The following TRAPPC12 variants were observed in gnomAD, a reference collection of about 807,000 sequenced individuals.
TRAPPC12 encodes trafficking protein particle complex subunit 12.
Under a neutral mutation model 69.2 loss-of-function variants are expected in TRAPPC12, and 61 were observed. The observed-to-expected ratio is 0.88, with a 90% CI of 0.72 to 1.09. TRAPPC12 has a LOEUF of 1.09. Among genes scored for constraint, TRAPPC12 ranks in the 50% least tolerant of loss-of-function variants. TRAPPC12 has a pLI of 0.00. For missense variants in TRAPPC12, 1,101 were observed against 1,016.4 expected, an observed-to-expected ratio of 1.08 and a Z score of -1.13; for synonymous variants, 469 against 438.9, an observed-to-expected ratio of 1.07 and a Z score of -0.86.
intron 5 of TRAPPC12, among the ~76,000 whole-genome samples, chr2:3,441,162 C>T (rs1354974671): frequency 9.9e-5 from 15 of 151,732 alleles, no homozygotes; most frequent in East Asian, 3.9e-4. Context: ...TTTCTTGTAA[C>T]GTCTTTGTCT....
At chr2:3,423,592 C>T (rs749592722) in intron 4 of TRAPPC12, among the ~76,000 whole-genome samples, 6 of 150,462 alleles carry the variant, frequency 4.0e-5, no homozygotes, top group Non-Finnish European at 5.9e-5. Context: ...TGAGGTCACA[C>T]GGTGTTTGTC....
At chr2:3,443,674 C>T in intron 5 of TRAPPC12, 105 bp from the exon 6 acceptor site, 3 of 805,160 alleles carry the variant, frequency 3.7e-6, no homozygotes, top group Non-Finnish European at 6.5e-6. Flanking sequence ...AGGGATCTGT[C>T]ATCACTTCTG....
At chr2:3,390,866 C>A (rs192146558) in intron 2 of TRAPPC12, among the ~76,000 whole-genome samples, 1 of 152,012 alleles carries the variant, frequency 6.6e-6, no homozygotes, top group Non-Finnish European at 1.5e-5. Context: ...TCTCTATACC[C>A]GCTTAATTTC....
rs1325423911 is a variant in TRAPPC12 at position 3,388,391 on chromosome 2, C to A, written c.768C>A (p.Thr256=). 1 of 1,603,230 alleles carries A rather than the reference C, an allele frequency of 6.2e-7. No homozygotes were observed. The highest frequency in any genetic ancestry group is 2.2e-5 in the East Asian group (1 of 44,472). The change falls in exon 2 of 12, where the codon ACC becomes ACA. Residue 256 remains threonine, a synonymous_variant. Transcript: ENST00000324266. Reference sequence around the variant, plus strand: ...CGCCTCCCCTCGCTGTGCCCGGGACCGAGGGGCGCCCCGAACCCGTGGCCA... The same window carrying A: ...CGCCTCCCCTCGCTGTGCCCGGGACAGAGGGGCGCCCCGAACCCGTGGCCA... The part of the protein sequence containing the change: ...ASPPPLAVPG[T]EGRPEPVAMR...
At chr2:3,399,161 G>C (rs576023061) in intron 2 of TRAPPC12, among the ~76,000 whole-genome samples, 1 of 152,352 alleles carries the variant, frequency 6.6e-6, no homozygotes, top group Admixed American at 6.5e-5. Context: ...GGAACTTGCT[G>C]TGGTAGCTAA....
In TRAPPC12 at chr2:3,479,373, G is replaced by A. The variant is rs138265331; in HGVS notation, c.2120G>A (p.Arg707Gln). The A allele has an allele frequency of 1.2e-5, 20 of 1,614,032 alleles. No individual in the cohort carries two copies. The highest frequency in any genetic ancestry group is 2.2e-5 in the South Asian group (2 of 91,082). ...ACCATGTACGAGCTGGAGTCCTCAC[G>A]GAGCATGCAGAAGAAACAGGCCCTG... ...LTTMYELESS[R>Q]SMQKKQALLE... Residue 707 changes from arginine to glutamine, a missense_variant, in exon 12 of 12, where the codon CGG becomes CAG. Physicochemically the swap from Arg to Gln is conservative, Grantham distance 43. Coordinates refer to ENST00000324266, the MANE Select transcript of TRAPPC12 (RefSeq NM_016030.6).
chr2:3,400,164 G>A (rs568620699), intron 2 of TRAPPC12, among the ~76,000 whole-genome samples: 21 of 152,296 alleles, frequency 1.4e-4, no homozygotes, highest in Non-Finnish European at 2.9e-4. Flanking sequence ...AGCCAGCTCC[G>A]GCTGCTTGCT....
At position 3,399,167 on chromosome 2, in the gene TRAPPC12, G is replaced by A. The variant is rs536640589; in HGVS notation, c.1048-2610G>A. ...AGTATCTCAGGAACTTGCTGTGGTA[G>A]CTAAAATATTAACTAACAGAGAATT... On this transcript the variant is annotated intron_variant, in intron 2 of 11. Transcript: ENST00000324266. Among the ~76,000 whole-genome samples the A allele has an allele frequency of 8.6e-4, 131 of 152,354 alleles. 1 individual carries two copies. Among genetic ancestry groups the A allele is most frequent in the African/African-American group, 3.1e-3 (130 of 41,588 alleles).
chr2:3,434,033 CAG>C (rs765756922), intron 5 of TRAPPC12, among the ~76,000 whole-genome samples: 18 of 152,304 alleles, frequency 1.2e-4, no homozygotes, highest in African/African-American at 3.4e-4. Context: ...TCTTCAGAGA[CAG>C]GGGCTAGGTT....
At chr2:3,478,763 G>A (rs1469884761) in intron 10 of TRAPPC12, 83 bp from the exon 11 acceptor site, 2 of 1,232,518 alleles carry the variant, frequency 1.6e-6, no homozygotes, top group Non-Finnish European at 1.2e-6. Context: ...GTCTCTGTGG[G>A]ATCCAAAGCC....
At chr2:3,456,173 T>C (rs1446060561) in intron 6 of TRAPPC12, 1 of 152,236 alleles carries the variant, frequency 6.6e-6, no homozygotes, top group Non-Finnish European at 1.5e-5. Context: ...TAGCCCAAGA[T>C]AACGGTTAAG....
intron 2 of TRAPPC12, among the ~76,000 whole-genome samples, chr2:3,398,651 A>G (rs1049591361): frequency 2.6e-5 from 4 of 152,182 alleles, no homozygotes. Flanking sequence ...TTCACCATCA[A>G]AATCAAGAAG....
At chr2:3,406,948 C>T (rs1661766078) in intron 3 of TRAPPC12, among the ~76,000 whole-genome samples, 1 of 152,144 alleles carries the variant, frequency 6.6e-6, no homozygotes, top group Admixed American at 6.6e-5. Context: ...TATTAACAGG[C>T]CTAACAAGGG....
chr2:3,476,190 C>A (rs181311519), intron 9 of TRAPPC12, among the ~76,000 whole-genome samples: 1 of 152,266 alleles, frequency 6.6e-6, no homozygotes, highest in East Asian at 1.9e-4. Context: ...TTTCTTCCTC[C>A]TCGTATGGTA....
chr2:3,430,464 G>A (rs1187759250), intron 5 of TRAPPC12, among the ~76,000 whole-genome samples: 3 of 152,222 alleles, frequency 2.0e-5, no homozygotes, highest in African/African-American at 2.4e-5. Flanking sequence ...TTTGTCTGTC[G>A]GAGTCTCCTC....
chr2:3,457,589 G>T, intron 6 of TRAPPC12, 32 bp from the exon 7 acceptor site: 1 of 1,602,402 alleles, frequency 6.2e-7, no homozygotes, highest in Non-Finnish European at 8.5e-7. Flanking sequence ...TGGTTCCCAT[G>T]ATTTTGTCCT....
In TRAPPC12 at chr2:3,466,037, C is replaced by T. The variant is rs536237253; in HGVS notation, c.1776+342C>T. The stretch of plus-strand genomic sequence containing the variant: ...TTCAGCTTATCCCGTAATAGTCACT[C>T]GCTGATATTTTGCCTGAAATAACCC... On this transcript the variant is annotated intron_variant, in intron 9 of 11. Transcript: ENST00000324266. Among the ~76,000 whole-genome samples, 8 of 152,332 alleles carry T rather than the reference C, an allele frequency of 5.3e-5. No individual in the cohort carries two copies. The South Asian group carries it at 8.3e-4, about 16-fold the overall frequency.
intron 8 of TRAPPC12, among the ~76,000 whole-genome samples, chr2:3,461,529 A>T (rs977403768): frequency 6.6e-6 from 1 of 152,242 alleles, no homozygotes; most frequent in Non-Finnish European, 1.5e-5. Context: ...CATAGATCTG[A>T]GATCTCTGAA....
At chr2:3,460,063 C>T (rs1665401645) in intron 7 of TRAPPC12, 200 bp from the exon 8 acceptor site, 1 of 644,304 alleles carries the variant, frequency 1.6e-6, no homozygotes, top group Non-Finnish European at 2.8e-6. Context: ...CTTCCCAAAG[C>T]CACCTCTGGT....
Sources: allele counts gnomAD v4.1 joint callset (sites outside exome capture counted in the v4.1 genomes callset), GRCh38; gene constraint gnomAD v4.1.1; transcripts MANE v1.5; gene names NCBI Gene and HGNC (gene_info 2026-07-23, HGNC 2026-07-21).